The following ANGPT1 variants were observed in gnomAD, a reference collection of about 807,000 sequenced individuals.
ANGPT1 encodes the protein angiopoietin 1.
A neutral mutation model predicts 62.2 loss-of-function variants in ANGPT1; 17 were observed. The observed-to-expected ratio is 0.27, with a 90% CI of 0.19 to 0.41. ANGPT1 has a LOEUF of 0.41. ANGPT1 is among the 10% of genes least tolerant of loss of function. ANGPT1 has a pLI of 1.00. For synonymous variants in ANGPT1, 199 were observed against 198.9 expected (o/e 1.00, Z 0.00); for missense variants, 478 against 594.9 (o/e 0.80, Z 2.04).
chr8:107,289,349 G>A (rs774427210), intron 6 of ANGPT1, among the ~76,000 whole-genome samples: 3 of 152,050 alleles, frequency 2.0e-5, no homozygotes, highest in Non-Finnish European at 4.4e-5. Flanking sequence ...TAAAATAATT[G>A]TCTCTGATAC....
At chr8:107,272,650 G>C (rs1434174380) in intron 7 of ANGPT1, among the ~76,000 whole-genome samples, 10 of 151,558 alleles carry the variant, frequency 6.6e-5, no homozygotes, top group Non-Finnish European at 2.9e-5. Context: ...TTCCTCCAAA[G>C]AAAATAGCAA....
intron 4 of ANGPT1, among the ~76,000 whole-genome samples, chr8:107,316,685 G>A (rs1014405054): frequency 2.0e-5 from 3 of 152,030 alleles, no homozygotes; most frequent in Admixed American, 1.3e-4. Context: ...TAGAAAAAAT[G>A]TGGCCTTTTT....
intron 4 of ANGPT1, among the ~76,000 whole-genome samples, chr8:107,318,975 C>T (rs1254249530): frequency 2.0e-5 from 3 of 152,094 alleles, no homozygotes; most frequent in Non-Finnish European, 4.4e-5. Flanking sequence ...AAAAAGCTGC[C>T]TGGATGACTG....
At chr8:107,411,037 T>C (rs915306484) in intron 1 of ANGPT1, among the ~76,000 whole-genome samples, 1 of 152,150 alleles carries the variant, frequency 6.6e-6, no homozygotes, top group East Asian at 1.9e-4. Flanking sequence ...AACAAAATCA[T>C]AGGATAAAAA....
chr8:107,270,386 A>G (rs568103886), intron 7 of ANGPT1, among the ~76,000 whole-genome samples: 107 of 152,162 alleles, frequency 7.0e-4, no homozygotes, highest in African/African-American at 2.5e-3. Context: ...TCTCCCTGCC[A>G]CCATATGGAA....
At chr8:107,288,087 G>T (rs1287771048) in intron 6 of ANGPT1, among the ~76,000 whole-genome samples, 1 of 152,042 alleles carries the variant, frequency 6.6e-6, no homozygotes, top group Non-Finnish European at 1.5e-5. Context: ...TCTTGTATTA[G>T]CCCAAAAATT....
chr8:107,293,157 T>C (rs965515872), intron 6 of ANGPT1, among the ~76,000 whole-genome samples: 3 of 151,874 alleles, frequency 2.0e-5, no homozygotes, highest in Non-Finnish European at 4.4e-5. Flanking sequence ...AGAAATTACA[T>C]ATAGGGCAGA....
At chr8:107,429,714 C>A (rs1811130636) in intron 1 of ANGPT1, among the ~76,000 whole-genome samples, 1 of 147,868 alleles carries the variant, frequency 6.8e-6, no homozygotes, top group Non-Finnish European at 1.5e-5. Context: ...TTTTGGATTG[C>A]TTTTGTCTTG....
intron 1 of ANGPT1, among the ~76,000 whole-genome samples, chr8:107,373,218 C>T (rs1816451044): frequency 6.6e-6 from 1 of 152,062 alleles, no homozygotes; most frequent in Non-Finnish European, 1.5e-5. Context: ...CAATTACCTA[C>T]TCTCTTAAGT....
rs372402676 is a variant in ANGPT1, at chr8:107,311,839, C to T, written c.809-8472G>A. On this transcript the variant is annotated intron_variant, in intron 4 of 8. Transcript: ENST00000517746. ...CAGCACTCTGGAAGTCCGAGGCGGG[C>T]GGATCACAAGGTCAGGAGATGGAGA... Among the ~76,000 whole-genome samples the T allele has an allele frequency of 1.9e-4, 29 of 152,104 alleles. No homozygotes were observed. The East Asian group carries it at 5.2e-3, about 27-fold the overall frequency.
At chr8:107,452,490 A>AT (rs927796307) in intron 1 of ANGPT1, among the ~76,000 whole-genome samples, 2 of 150,666 alleles carry the variant, frequency 1.3e-5, no homozygotes, top group Admixed American at 6.6e-5. Flanking sequence ...CTTTATTTTT[A>AT]TTTTTTTATT....
In ANGPT1 at chr8:107,434,362, T is replaced by C. The variant is rs987265563; in HGVS notation, c.297+62900A>G. ...GCTAGGGATTTTGGACATCATTGCG[T>C]GGACAACTTGAAATCATGGAAGGTT... On this transcript the variant is annotated intron_variant, in intron 1 of 8. Transcript: ENST00000517746. Among the ~76,000 whole-genome samples the C allele has an allele frequency of 3.9e-5, 6 of 152,112 alleles. No individual in the cohort carries two copies. In the South Asian group the frequency reaches 1.2e-3, roughly 32 times the overall value.
intron 1 of ANGPT1, among the ~76,000 whole-genome samples, chr8:107,380,734 T>A (rs1305862766): frequency 6.6e-6 from 1 of 152,202 alleles, no homozygotes; most frequent in Admixed American, 6.5e-5. Context: ...TCTTTTCTAC[T>A]GCATATCATC....
chr8:107,421,664 T>C (rs1356334724), intron 1 of ANGPT1, among the ~76,000 whole-genome samples: 2 of 152,172 alleles, frequency 1.3e-5, no homozygotes, highest in Non-Finnish European at 2.9e-5. Context: ...GCTCTTTGAA[T>C]TGTTTGCTTA....
At chr8:107,272,955 A>G (rs940707109) in intron 7 of ANGPT1, among the ~76,000 whole-genome samples, 4 of 151,208 alleles carry the variant, frequency 2.6e-5, no homozygotes, top group African/African-American at 7.3e-5. Flanking sequence ...TAAAACACAA[A>G]CAGTCCCTTA....
intron 1 of ANGPT1, among the ~76,000 whole-genome samples, chr8:107,403,162 T>G (rs1817079307): frequency 6.6e-6 from 1 of 152,158 alleles, no homozygotes; most frequent in Admixed American, 6.6e-5. Context: ...TTGACATAGT[T>G]TTTTTCTTAG....
intron 6 of ANGPT1, among the ~76,000 whole-genome samples, chr8:107,292,806 T>G (rs1814310279): frequency 6.6e-6 from 1 of 152,186 alleles, no homozygotes; most frequent in Non-Finnish European, 1.5e-5. Flanking sequence ...CAAACTCTGA[T>G]GCAAATCAAC....
intron 1 of ANGPT1, among the ~76,000 whole-genome samples, chr8:107,488,704 TAAG>T (rs1252256003): frequency 6.6e-6 from 1 of 152,162 alleles, no homozygotes; most frequent in Non-Finnish European, 1.5e-5. Context: ...TAGAAAATAA[TAAG>T]AAGACTGATA....
intron 8 of ANGPT1, among the ~76,000 whole-genome samples, chr8:107,254,612 C>A (rs1213252679): frequency 6.6e-6 from 1 of 151,978 alleles, no homozygotes; most frequent in African/African-American, 2.4e-5. Flanking sequence ...AGAGAGACAG[C>A]CCCAAGAAGA....
Sources: gnomAD v4.1 joint callset for allele counts (sites outside exome capture counted in the v4.1 genomes callset) on GRCh38, gnomAD v4.1.1 for gene constraint, MANE v1.5 for transcripts, NCBI Gene and HGNC (gene_info 2026-07-23, HGNC 2026-07-21) for gene names.